CAPN8: variants seen among roughly 807,000 people sequenced by gnomAD.
CAPN8 encodes calpain-8.
A neutral mutation model predicts 80.9 loss-of-function variants in CAPN8; 87 were observed. That is an observed-to-expected ratio of 1.07 (90% CI 0.90 to 1.28). The LOEUF (loss-of-function observed/expected upper bound fraction) is 1.28. Among genes scored for constraint, CAPN8 ranks in the 50% most tolerant of loss-of-function variants. The pLI, the probability that CAPN8 is intolerant of heterozygous loss-of-function variation, is 0.00. For synonymous variants in CAPN8, 299 were observed against 273.8 expected, an observed-to-expected ratio of 1.09 and a Z score of -0.91; for missense variants, 757 against 702.0, an observed-to-expected ratio of 1.08 and a Z score of -0.89.
Position 223,628,658 on chromosome 1 carries a change from G to T in CAPN8, c.426+4C>A, listed in dbSNP as rs905186378. The T allele has an allele frequency of 4.5e-6, 7 of 1,546,682 alleles. No homozygotes were observed. In the African/African-American group the frequency reaches 9.6e-5, roughly 21 times the overall value. ...CAACAAAGGGCCAGAGCAGAGCACAGTACCTGAAAGTGAAAGATTCCCGCA... is the reference window on the plus strand; with the variant it reads ...CAACAAAGGGCCAGAGCAGAGCACATTACCTGAAAGTGAAAGATTCCCGCA... On this transcript the variant is annotated splice_donor_region_variant and intron_variant, in intron 3 of 20. Transcript: ENST00000366872.
rs78782267 is a variant in CAPN8, at chr1:223,619,221, A to G, written c.1135+72T>C. 3.0e-3 allele frequency: 4,598 copies of G among 1,517,476 alleles called. 115 individuals carry two copies. The African/African-American group carries it at 0.056, about 18-fold the overall frequency. 94.0% of individuals were successfully genotyped at this position (1,517,476 alleles called of 1,614,324 possible). On this transcript the variant is annotated intron_variant, in intron 9 of 20. Transcript: ENST00000366872. ...AAAAACACACAAAATAGCACCAAAA[A>G]ATTACATAAAATGACCCAGCTCAGG...
At chr1:223,626,940 G>C (rs1471835259) in intron 5 of CAPN8, 49 bp downstream of exon 5, 7 of 1,526,064 alleles carry the variant, frequency 4.6e-6, no homozygotes, top group Middle Eastern at 1.9e-4. Flanking sequence ...TACCACACAA[G>C]GGGTGGCGGT....
At chr1:223,617,960 T>C in intron 9 of CAPN8, 1 of 351,438 alleles carries the variant, frequency 2.8e-6, no homozygotes, top group Non-Finnish European at 5.2e-6. Context: ...TTGGGTTGGA[T>C]GGGTGATGAA....
chr1:223,653,628 T>G (rs1284493545), intron 2 of CAPN8, among the ~76,000 whole-genome samples: 2 of 152,136 alleles, frequency 1.3e-5, no homozygotes, highest in Non-Finnish European at 2.9e-5. Flanking sequence ...TTCAGAGCCA[T>G]GTTGCCCATA....
At chr1:223,615,283 G>T (rs1657137292) in intron 10 of CAPN8, among the ~76,000 whole-genome samples, 1 of 152,184 alleles carries the variant, frequency 6.6e-6, no homozygotes, top group Non-Finnish European at 1.5e-5. Flanking sequence ...GCTATAAGGA[G>T]TCTTTGCCTG....
At chr1:223,544,297 G>T in intron 18 of CAPN8, 114 bp from the exon 19 acceptor site, 1 of 642,220 alleles carries the variant, frequency 1.6e-6, no homozygotes, top group Non-Finnish European at 2.8e-6. Flanking sequence ...GTATCAATCT[G>T]CAAACCAGGC....
At chr1:223,621,806 G>T (rs781101757) in intron 7 of CAPN8, among the ~76,000 whole-genome samples, 1 of 152,018 alleles carries the variant, frequency 6.6e-6, no homozygotes, top group Non-Finnish European at 1.5e-5. Flanking sequence ...TTGGGAGGGG[G>T]CATTATTGTG....
At chr1:223,662,085 A>C (rs556713302) in intron 1 of CAPN8, among the ~76,000 whole-genome samples, 1 of 152,314 alleles carries the variant, frequency 6.6e-6, no homozygotes, top group East Asian at 1.9e-4. Context: ...AATACTGTAT[A>C]ATTCCACTTA....
intron 1 of CAPN8, among the ~76,000 whole-genome samples, chr1:223,661,437 C>G (rs1658641969): frequency 6.6e-6 from 1 of 152,166 alleles, no homozygotes; most frequent in East Asian, 1.9e-4. Context: ...CAAGACCAGC[C>G]TGGCCAACAT....
At chr1:223,543,607 A>T (rs74633846) in intron 19 of CAPN8, among the ~76,000 whole-genome samples, 2 of 152,074 alleles carry the variant, frequency 1.3e-5, no homozygotes. Flanking sequence ...TCCTAATAAG[A>T]TATCTAATCT....
chr1:223,543,251 T>C, intron 19 of CAPN8, 85 bp from the exon 20 acceptor site: 5 of 1,458,894 alleles, frequency 3.4e-6, no homozygotes, highest in Non-Finnish European at 4.7e-6. Flanking sequence ...GTCTACCCCA[T>C]CCCCACCTGC....
intron 7 of CAPN8, among the ~76,000 whole-genome samples, chr1:223,621,233 C>CT (rs1395957213): frequency 2.5e-5 from 2 of 80,120 alleles, no homozygotes; most frequent in East Asian, 3.6e-4. Flanking sequence ...GCTCCAATTT[C>CT]TTTTTTTTAC....
chr1:223,547,958 A>G (rs1341492735), intron 16 of CAPN8, among the ~76,000 whole-genome samples: 1 of 152,220 alleles, frequency 6.6e-6, no homozygotes, highest in African/African-American at 2.4e-5. Flanking sequence ...CACGAGGGCT[A>G]AAGAGCCCCA....
intron 2 of CAPN8, among the ~76,000 whole-genome samples, chr1:223,630,730 T>C (rs1657749942): frequency 6.6e-6 from 1 of 151,708 alleles, no homozygotes; most frequent in Non-Finnish European, 1.5e-5. Context: ...AACACTATCT[T>C]CCTAATGGCA....
intron 1 of CAPN8, among the ~76,000 whole-genome samples, chr1:223,659,852 C>G (rs1220602694): frequency 6.6e-6 from 1 of 152,128 alleles, no homozygotes; most frequent in Non-Finnish European, 1.5e-5. Flanking sequence ...AGCAAATGGC[C>G]AGAGGGGACC....
chr1:223,627,033 G>A lies in CAPN8; in HGVS notation c.685C>T (p.Arg229Trp), dbSNP rs941147176. The change falls in exon 5 of 21, where the codon CGG becomes TGG. Residue 229 changes from arginine (R) to tryptophan (W), a missense_variant. Transcript: ENST00000366872. ...AGAGACCCCGCACAGAGGGCCTTCC[G>A]GATGATCTGATATAGATTGGCTGGT... The part of the protein sequence containing the change: ...KPPANLYQII[R>W]KALCAGSLLG... 154 of 1,551,956 alleles carry A rather than the reference G, an allele frequency of 9.9e-5. No homozygotes were observed. The highest frequency in any genetic ancestry group is 6.3e-4 in the Admixed American group (32 of 51,002).
chr1:223,622,902 T>A lies in CAPN8; in HGVS notation c.814-2A>T. On this transcript the variant is annotated splice_acceptor_variant, in intron 6 of 20. Transcript: ENST00000366872. LOFTEE classifies it high-confidence loss of function. ...CTCTGGATGGCCCTGGAAATTCACC[T>A]GCAAATTCCATACACAGAAAAGCGA... 1 of 1,550,866 alleles carries A rather than the reference T, an allele frequency of 6.4e-7. No homozygotes were observed. The highest frequency in any genetic ancestry group is 8.7e-7 in the Non-Finnish European group (1 of 1,146,224).
rs901029064 is a variant in CAPN8, at chr1:223,545,225, A to T, written c.1833+6T>A. The T allele has an allele frequency of 6.4e-7, 1 of 1,551,654 alleles. No homozygotes were observed. Among genetic ancestry groups the T allele is most frequent in the Non-Finnish European group, 8.7e-7 (1 of 1,146,958 alleles). On this transcript the variant is annotated splice_donor_region_variant and intron_variant, in intron 17 of 20. Coordinates refer to ENST00000366872, the MANE Select transcript of CAPN8 (RefSeq NM_001143962.2). ...GAGAGGATGCCCAGAAGGAAAAGAG[A>T]GTTACCAGATACTTCTGAATCTTCA...
chr1:223,651,330 G>A (rs138908044), intron 2 of CAPN8, among the ~76,000 whole-genome samples: 12 of 152,332 alleles, frequency 7.9e-5, no homozygotes, highest in Non-Finnish European at 1.5e-4. Context: ...AAATCATACT[G>A]TCCTCCTTCA....
Sources: gnomAD v4.1 joint callset for allele counts (sites outside exome capture counted in the v4.1 genomes callset) on GRCh38, gnomAD v4.1.1 for gene constraint, MANE v1.5 for transcripts, NCBI Gene and HGNC (gene_info 2026-07-23, HGNC 2026-07-21) for gene names.